The following ZNF385D variants were observed in gnomAD, a reference collection of about 807,000 sequenced individuals.
ZNF385D encodes the protein zinc finger protein 659.
In ZNF385D, 15 loss-of-function variants were observed where a neutral mutation model predicts 35.8. That is an observed-to-expected ratio of 0.42 (90% CI 0.28 to 0.64). The LOEUF is 0.64. ZNF385D is among the 30% of genes least tolerant of loss of function. The pLI is 0.23. For missense variants in ZNF385D, 474 were observed against 494.6 expected, an observed-to-expected ratio of 0.96 and a Z score of 0.39; for synonymous variants, 212 against 186.8, an observed-to-expected ratio of 1.13 and a Z score of -1.10.
chr3:21,586,645 G>A (rs2063819160), intron 2 of ZNF385D, among the ~76,000 whole-genome samples: 1 of 152,172 alleles, frequency 6.6e-6, no homozygotes, highest in African/African-American at 2.4e-5. Flanking sequence ...CAAGAAGGAT[G>A]GAATTCAGTC....
In ZNF385D at chr3:21,511,302, G is replaced by GA. The variant is rs572731231; in HGVS notation, c.277-280dup. Reference sequence around the variant, plus strand: ...ACAACATTTTCTTTGTGGGAGCGGGGAAAAAAAATAAGAATTTACACCTGT... The same window carrying GA: ...ACAACATTTTCTTTGTGGGAGCGGGGAAAAAAAAATAAGAATTTACACCTGT... On this transcript the variant is annotated intron_variant, in intron 3 of 7. Transcript: ENST00000281523. 2.8e-3 allele frequency among the ~76,000 whole-genome samples: 426 copies of GA among 151,788 alleles called. 1 individual carries two copies. The highest frequency in any genetic ancestry group is 4.6e-3 in the Non-Finnish European group (315 of 67,904).
chr3:21,791,435 T>C (rs1242176526), intron 3 of ZNF385D, among the ~76,000 whole-genome samples: 1 of 152,196 alleles, frequency 6.6e-6, no homozygotes, highest in Non-Finnish European at 1.5e-5. Flanking sequence ...ATCCCAAAAA[T>C]GTCTTCACTT....
intron 3 of ZNF385D, among the ~76,000 whole-genome samples, chr3:21,992,254 C>G (rs2125397461): frequency 6.6e-6 from 1 of 152,076 alleles, no homozygotes; most frequent in Non-Finnish European, 1.5e-5. Flanking sequence ...ATCAGAAAAG[C>G]CCCTAGAAGG....
intron 3 of ZNF385D, among the ~76,000 whole-genome samples, chr3:22,103,363 C>T (rs1381709521): frequency 6.6e-6 from 1 of 151,986 alleles, no homozygotes; most frequent in Non-Finnish European, 1.5e-5. Context: ...ATAACAAAAA[C>T]ACCCCAAGAA....
At chr3:21,991,162 C>T (rs988679030) in intron 3 of ZNF385D, among the ~76,000 whole-genome samples, 7 of 152,152 alleles carry the variant, frequency 4.6e-5, no homozygotes, top group African/African-American at 2.4e-5. Context: ...GTGTTTTATG[C>T]ATGTGTTTGG....
intron 2 of ZNF385D, among the ~76,000 whole-genome samples, chr3:22,322,235 T>C (rs1210316606): frequency 6.6e-6 from 1 of 152,214 alleles, no homozygotes; most frequent in Non-Finnish European, 1.5e-5. Flanking sequence ...GTAGTACCTG[T>C]TGTTTGGCAT....
At chr3:22,042,986 A>C (rs890265247) in intron 3 of ZNF385D, among the ~76,000 whole-genome samples, 1 of 152,144 alleles carries the variant, frequency 6.6e-6, no homozygotes, top group African/African-American at 2.4e-5. Context: ...TTTGAATCTT[A>C]TTAACCCAGT....
intron 6 of ZNF385D, 104 bp from the exon 7 acceptor site, chr3:21,424,168 G>T: frequency 1.0e-6 from 1 of 997,526 alleles, no homozygotes; most frequent in Non-Finnish European, 1.4e-6. Flanking sequence ...TTTCATGCAA[G>T]TTTCAGAAAG....
At chr3:21,723,984 G>A (rs2068648513) in intron 1 of ZNF385D, among the ~76,000 whole-genome samples, 1 of 152,130 alleles carries the variant, frequency 6.6e-6, no homozygotes, top group Admixed American at 6.5e-5. Flanking sequence ...GAAGAGAGTG[G>A]GGGCCAATAT....
intron 3 of ZNF385D, among the ~76,000 whole-genome samples, chr3:22,046,714 A>T (rs773993644): frequency 6.6e-6 from 1 of 152,170 alleles, no homozygotes; most frequent in African/African-American, 2.4e-5. Flanking sequence ...GATTCTCACT[A>T]AACTAGGTAG....
intron 1 of ZNF385D, among the ~76,000 whole-genome samples, chr3:21,734,139 T>A (rs968543351): frequency 3.3e-5 from 5 of 152,174 alleles, no homozygotes; most frequent in African/African-American, 1.2e-4. Flanking sequence ...TGCAATTGCA[T>A]TATGCTTATA....
intron 3 of ZNF385D, among the ~76,000 whole-genome samples, chr3:22,028,136 C>A (rs1697682333): frequency 6.6e-6 from 1 of 152,144 alleles, no homozygotes; most frequent in Admixed American, 6.5e-5. Context: ...GCTTGGAAAA[C>A]TGGTAACAAA....
intron 3 of ZNF385D, among the ~76,000 whole-genome samples, chr3:22,104,891 G>A (rs1198848478): frequency 6.6e-6 from 1 of 152,122 alleles, no homozygotes; most frequent in Non-Finnish European, 1.5e-5. Flanking sequence ...TACAGTGACT[G>A]CTGCTGTAAC....
At chr3:22,092,906 C>T (rs1701406283) in intron 3 of ZNF385D, among the ~76,000 whole-genome samples, 1 of 152,088 alleles carries the variant, frequency 6.6e-6, no homozygotes, top group African/African-American at 2.4e-5. Flanking sequence ...TTATTTATAA[C>T]TCATCTATTC....
At chr3:22,190,522 A>G (rs1017368876) in intron 2 of ZNF385D, among the ~76,000 whole-genome samples, 2 of 152,194 alleles carry the variant, frequency 1.3e-5, no homozygotes, top group African/African-American at 4.8e-5. Context: ...TATAATGGCT[A>G]GCAGCCACAA....
chr3:22,124,136 C>A (rs913804266), intron 3 of ZNF385D, among the ~76,000 whole-genome samples: 1 of 151,788 alleles, frequency 6.6e-6, no homozygotes, highest in African/African-American at 2.4e-5. Flanking sequence ...CTCTATCTCC[C>A]CGAGTTCAAC....
intron 3 of ZNF385D, among the ~76,000 whole-genome samples, chr3:22,000,981 T>G (rs1695805364): frequency 6.6e-6 from 1 of 152,004 alleles, no homozygotes; most frequent in Non-Finnish European, 1.5e-5. Flanking sequence ...AAAATTCATT[T>G]GTAGAGCAAA....
intron 2 of ZNF385D, among the ~76,000 whole-genome samples, chr3:22,276,361 T>C (rs947650668): frequency 8.5e-5 from 13 of 152,178 alleles, no homozygotes; most frequent in African/African-American, 2.9e-4. Flanking sequence ...ATATATTCAG[T>C]AACACTCTAA....
At chr3:21,686,721 T>G (rs988429084) in intron 1 of ZNF385D, among the ~76,000 whole-genome samples, 1 of 152,222 alleles carries the variant, frequency 6.6e-6, no homozygotes, top group East Asian at 1.9e-4. Flanking sequence ...GTGGCTATTG[T>G]GTTTGTCAGT....
Sources: allele counts gnomAD v4.1 joint callset (sites outside exome capture counted in the v4.1 genomes callset), GRCh38; gene constraint gnomAD v4.1.1; transcripts MANE v1.5; gene names NCBI Gene and HGNC (gene_info 2026-07-23, HGNC 2026-07-21).